AGBL1: variants seen among roughly 807,000 people sequenced by gnomAD.
The protein encoded by AGBL1 is cytosolic carboxypeptidase 4.
AGBL1 carries 130 observed loss-of-function variants against 118.9 expected under a neutral mutation model. The observed-to-expected ratio is 1.09, with a 90% CI of 0.95 to 1.26. AGBL1 has a LOEUF of 1.26. Ranked by LOEUF, AGBL1 falls within the 50% of genes most tolerant of loss-of-function variation. The pLI, the probability that AGBL1 is intolerant of heterozygous loss-of-function variation, is 0.00. For synonymous variants in AGBL1, 555 were observed against 478.9 expected (o/e 1.16, Z -2.08); for missense variants, 1,584 against 1,298.1 (o/e 1.22, Z -3.38).
intron 22 of AGBL1, among the ~76,000 whole-genome samples, chr15:86,824,461 C>G (rs902441420): frequency 6.6e-6 from 1 of 151,972 alleles, no homozygotes; most frequent in Admixed American, 6.6e-5. Context: ...GAGAGACATA[C>G]TATGTTCATG....
At chr15:86,367,800 A>G (rs1249027823) in intron 17 of AGBL1, among the ~76,000 whole-genome samples, 1 of 152,180 alleles carries the variant, frequency 6.6e-6, no homozygotes, top group African/African-American at 2.4e-5. Flanking sequence ...ATTTAAACAC[A>G]TGAAAAGAAC....
chr15:86,241,896 C>T (rs899088091), intron 6 of AGBL1, among the ~76,000 whole-genome samples: 1 of 152,204 alleles, frequency 6.6e-6, no homozygotes, highest in Non-Finnish European at 1.5e-5. Flanking sequence ...TTGGCTGTGT[C>T]TCTACTGAAA....
intron 17 of AGBL1, among the ~76,000 whole-genome samples, chr15:86,372,948 A>T (rs968211757): frequency 2.0e-5 from 3 of 152,050 alleles, no homozygotes; most frequent in African/African-American, 7.3e-5. Context: ...CAGAAGAGTA[A>T]ATTTTAAAGT....
chr15:86,260,777 C>G (rs75281628), intron 9 of AGBL1, among the ~76,000 whole-genome samples: 2,582 of 152,266 alleles, frequency 0.017, 41 homozygotes, highest in East Asian at 0.052. Flanking sequence ...AAGCTCCAAC[C>G]TATGGAACAA....
At chr15:86,382,905 C>T (rs1442132583) in intron 17 of AGBL1, among the ~76,000 whole-genome samples, 1 of 152,096 alleles carries the variant, frequency 6.6e-6, no homozygotes, top group East Asian at 1.9e-4. Flanking sequence ...ACTGCACAAA[C>T]GACCTGAACT....
At chr15:86,588,145 G>A (rs2084280590) in intron 21 of AGBL1, among the ~76,000 whole-genome samples, 1 of 152,178 alleles carries the variant, frequency 6.6e-6, no homozygotes, top group Non-Finnish European at 1.5e-5. Context: ...TAAAGTTCAT[G>A]AAGAGAATTT....
intron 5 of AGBL1, among the ~76,000 whole-genome samples, chr15:86,196,880 C>CGCGT (rs1647302179): frequency 3.9e-5 from 1 of 25,914 alleles, no homozygotes; most frequent in Admixed American, 4.1e-4. Flanking sequence ...CGCGCGCGCG[C>CGCGT]ACACACACAC....
chr15:86,662,200 T>C (rs1445767265), intron 21 of AGBL1, among the ~76,000 whole-genome samples: 1 of 152,230 alleles, frequency 6.6e-6, no homozygotes, highest in Non-Finnish European at 1.5e-5. Flanking sequence ...CACACACATA[T>C]CTGTGATCTG....
intron 18 of AGBL1, among the ~76,000 whole-genome samples, chr15:86,447,824 G>T (rs1256523744): frequency 1.3e-5 from 2 of 152,170 alleles, no homozygotes; most frequent in African/African-American, 4.8e-5. Context: ...CCTTGTAAAA[G>T]AACTAATAAT....
intron 19 of AGBL1, among the ~76,000 whole-genome samples, chr15:86,534,968 CA>C (rs1468901968): frequency 1.3e-5 from 2 of 152,238 alleles, no homozygotes; most frequent in South Asian, 2.1e-4. Flanking sequence ...GTCGGTTACA[CA>C]AAAACTCATT....
At chr15:86,468,833 C>G (rs111565543) in intron 18 of AGBL1, among the ~76,000 whole-genome samples, 1 of 152,262 alleles carries the variant, frequency 6.6e-6, no homozygotes, top group Non-Finnish European at 1.5e-5. Context: ...GAGAGAGGAA[C>G]TATTCATCTT....
intron 19 of AGBL1, among the ~76,000 whole-genome samples, chr15:86,539,964 A>G (rs2083472699): frequency 6.6e-6 from 1 of 152,210 alleles, no homozygotes; most frequent in Non-Finnish European, 1.5e-5. Flanking sequence ...TAATATAGAA[A>G]TGAAAAGTGT....
At chr15:86,873,392 A>G (rs1432618433) in intron 22 of AGBL1, among the ~76,000 whole-genome samples, 12 of 152,190 alleles carry the variant, frequency 7.9e-5, no homozygotes, top group Admixed American at 5.9e-4. Context: ...TTAAGAATCG[A>G]CTTTTGTTCA....
chr15:86,271,967 T>G (rs1357718563), intron 15 of AGBL1, among the ~76,000 whole-genome samples: 7 of 152,236 alleles, frequency 4.6e-5, no homozygotes, highest in Admixed American at 2.6e-4. Flanking sequence ...TTAGATCTTG[T>G]TGTCAGATAT....
intron 18 of AGBL1, among the ~76,000 whole-genome samples, chr15:86,413,176 A>G (rs947294693): frequency 2.6e-5 from 4 of 152,152 alleles, no homozygotes; most frequent in Non-Finnish European, 5.9e-5. Flanking sequence ...TTCTTTATAG[A>G]AGAGAAAAAT....
At chr15:86,758,409 C>T (rs2077973316) in intron 22 of AGBL1, among the ~76,000 whole-genome samples, 1 of 151,992 alleles carries the variant, frequency 6.6e-6, no homozygotes, top group African/African-American at 2.4e-5. Flanking sequence ...ATATGTGTTC[C>T]GTAGTACCAT....
intron 24 of AGBL1, among the ~76,000 whole-genome samples, chr15:87,003,504 GGA>G (rs1311995982): frequency 1.3e-5 from 2 of 152,110 alleles, no homozygotes; most frequent in African/African-American, 4.8e-5. Flanking sequence ...AATGAGTTAG[GGA>G]GAATTCCCTC....
chr15:86,576,778 T>C (rs1415187410), intron 21 of AGBL1, among the ~76,000 whole-genome samples: 1 of 152,208 alleles, frequency 6.6e-6, no homozygotes, highest in East Asian at 1.9e-4. Flanking sequence ...TGAGATCTGA[T>C]GGTTATCGTA....
At chr15:86,556,095 A>G (rs1398679526) in intron 21 of AGBL1, 32 of 655,614 alleles carry the variant, frequency 4.9e-5, no homozygotes, top group Non-Finnish European at 7.6e-5. Context: ...ATTCAAACAA[A>G]CAGCTTCTAG....
Sources: gnomAD v4.1 joint callset for allele counts (sites outside exome capture counted in the v4.1 genomes callset) on GRCh38, gnomAD v4.1.1 for gene constraint, MANE v1.5 for transcripts, NCBI Gene and HGNC (gene_info 2026-07-23, HGNC 2026-07-21) for gene names.